HTR2C: variants seen among roughly 807,000 people sequenced by gnomAD.
HTR2C encodes 5-hydroxytryptamine receptor 2C, also known as 5-hydroxytryptamine (serotonin) receptor 2C, G protein-coupled.
Under a neutral mutation model 21.0 loss-of-function variants are expected in HTR2C, and 5 were observed. The observed-to-expected ratio is 0.24, with a 90% CI of 0.12 to 0.50. The LOEUF (loss-of-function observed/expected upper bound fraction) is 0.50, where lower values mean the gene tolerates loss of function less well. Among genes scored for constraint, HTR2C ranks in the 20% least tolerant of loss-of-function variants. HTR2C has a pLI of 0.98. For synonymous variants in HTR2C, 150 were observed against 145.3 expected, an observed-to-expected ratio of 1.03 and a Z score of -0.23; for missense variants, 271 against 371.2, an observed-to-expected ratio of 0.73 and a Z score of 2.22.
intron 1 of HTR2C, among the ~76,000 whole-genome samples, chrX:114,610,587 A>G (rs1405587694): frequency 8.9e-6 from 1 of 111,745 alleles, no homozygotes; most frequent in Non-Finnish European, 1.9e-5. Context: ...TTCTGTGCAC[A>G]ATTTTTGTAG....
intron 4 of HTR2C, among the ~76,000 whole-genome samples, chrX:114,825,160 G>A (rs2070667895): frequency 9.0e-6 from 1 of 110,768 alleles, no homozygotes; most frequent in Non-Finnish European, 1.9e-5. Context: ...ATTTCTTCTG[G>A]TACTTGGATT....
intron 2 of HTR2C, among the ~76,000 whole-genome samples, chrX:114,677,202 A>T (rs1931589880): frequency 9.0e-6 from 1 of 111,393 alleles, no homozygotes; most frequent in Non-Finnish European, 1.9e-5. Context: ...TCCTGAGCTG[A>T]TTGACAACAT....
chrX:114,843,794 C>A (rs962873350), intron 4 of HTR2C, among the ~76,000 whole-genome samples: 1 of 111,424 alleles, frequency 9.0e-6, no homozygotes, highest in Non-Finnish European at 1.9e-5. Context: ...TCTACAGAGA[C>A]CATGGAGGCC....
chrX:114,685,973 G>A (rs1556414155), intron 2 of HTR2C, among the ~76,000 whole-genome samples: 1 of 110,946 alleles, frequency 9.0e-6, no homozygotes, highest in Non-Finnish European at 1.9e-5. Flanking sequence ...ATCATCTTAT[G>A]ATCATAATTA....
At chrX:114,636,962 C>T (rs992491230) in intron 2 of HTR2C, among the ~76,000 whole-genome samples, 1 of 111,991 alleles carries the variant, frequency 8.9e-6, no homozygotes, top group East Asian at 2.8e-4. Flanking sequence ...GGTTTCCTCT[C>T]ACTTTTGGTG....
chrX:114,859,523 T>C (rs1463135224), intron 5 of HTR2C, among the ~76,000 whole-genome samples: 1 of 111,561 alleles, frequency 9.0e-6, no homozygotes, highest in Non-Finnish European at 1.9e-5. Flanking sequence ...CCTTTTAATG[T>C]CTATATAATG....
At chrX:114,661,667 G>C (rs1930993858) in intron 2 of HTR2C, among the ~76,000 whole-genome samples, 1 of 110,014 alleles carries the variant, frequency 9.1e-6, no homozygotes, top group African/African-American at 3.3e-5. Context: ...CACCGTGCCT[G>C]GCCTGGAAAT....
intron 2 of HTR2C, among the ~76,000 whole-genome samples, chrX:114,660,738 G>A (rs1930955151): frequency 8.9e-6 from 1 of 111,934 alleles, no homozygotes; most frequent in South Asian, 3.7e-4. Context: ...ATTTCTATGT[G>A]TTTGAAATTA....
chrX:114,712,158 G>T (rs782728810), intron 2 of HTR2C, among the ~76,000 whole-genome samples: 1 of 111,780 alleles, frequency 8.9e-6, no homozygotes, highest in African/African-American at 3.2e-5. Context: ...GAAAAGTAAA[G>T]CATTATTATT....
intron 2 of HTR2C, among the ~76,000 whole-genome samples, chrX:114,679,355 T>C (rs1050372766): frequency 1.5e-4 from 17 of 110,774 alleles, no homozygotes; most frequent in Non-Finnish European, 2.3e-4. Context: ...TTCGGCTCAC[T>C]GAAACCTCCA....
intron 5 of HTR2C, among the ~76,000 whole-genome samples, chrX:114,903,142 AT>A (rs1164048813): frequency 8.2e-5 from 9 of 110,009 alleles, no homozygotes; most frequent in South Asian, 3.8e-4. Flanking sequence ...CTTACCTTTT[AT>A]TTTTTTTTAA....
chrX:114,604,915 G>T (rs1316488225), intron 1 of HTR2C, among the ~76,000 whole-genome samples: 2 of 111,308 alleles, frequency 1.8e-5, no homozygotes, highest in African/African-American at 6.5e-5. Flanking sequence ...CACCTTGAAG[G>T]CGAGGTTAAT....
chrX:114,704,327 T>C lies in HTR2C; in HGVS notation c.-79-22531T>C, dbSNP rs782785760. On this transcript the variant is annotated intron_variant, in intron 2 of 5. Transcript: ENST00000276198. ...AATCCTCAATAAAATACTGGCAAAC[T>C]GAATCCAGCAGCACATCAAAAAGCT... is the stretch of plus-strand genomic sequence containing the variant. 4.0e-3 allele frequency among the ~76,000 whole-genome samples: 444 copies of C among 111,189 alleles called. 2 individuals carry two copies. Among genetic ancestry groups the C allele is most frequent in the African/African-American group, 0.013 (408 of 30,648 alleles).
At chrX:114,770,231 T>C (rs1425345930) in intron 4 of HTR2C, among the ~76,000 whole-genome samples, 1 of 112,039 alleles carries the variant, frequency 8.9e-6, no homozygotes, top group African/African-American at 3.2e-5. Context: ...ATTGAGCTTT[T>C]TGATGTGTAA....
intron 5 of HTR2C, among the ~76,000 whole-genome samples, chrX:114,855,323 A>G (rs1175747383): frequency 1.8e-5 from 2 of 111,552 alleles, no homozygotes; most frequent in Non-Finnish European, 3.8e-5. Flanking sequence ...ATATTGTAAC[A>G]TCAGGCATAG....
intron 4 of HTR2C, among the ~76,000 whole-genome samples, chrX:114,843,049 T>G (rs1441779248): frequency 8.9e-6 from 1 of 111,802 alleles, no homozygotes; most frequent in Non-Finnish European, 1.9e-5. Flanking sequence ...TGTCCAAGTT[T>G]TACCAAGATT....
At position 114,908,628 on chromosome X, in the gene HTR2C, C is replaced by G. The variant is rs199695967; in HGVS notation, c.*1213C>G. ...CCAAACTCTCTAGTGCAGGAAAAGG[C>G]TGCAGCTAATTTGTGAAAGTGGCAA... On this transcript the variant is annotated 3_prime_UTR_variant, in exon 6 of 6. Transcript: ENST00000276198. 2.0e-4 allele frequency: 23 copies of G among 112,650 alleles called. No individual in the cohort carries two copies. Among genetic ancestry groups the G allele is most frequent in the African/African-American group, 7.1e-4 (22 of 30,983 alleles). The allele number at this position is 112,650 out of a possible 1,213,427, so 9.3% of individuals were successfully genotyped here.
intron 2 of HTR2C, among the ~76,000 whole-genome samples, chrX:114,677,707 C>A (rs1931607317): frequency 9.0e-6 from 1 of 111,462 alleles, no homozygotes; most frequent in South Asian, 3.7e-4. Flanking sequence ...TGTATGTAAA[C>A]AATCTTGAGT....
At chrX:114,640,456 T>A (rs1439622922) in intron 2 of HTR2C, among the ~76,000 whole-genome samples, 1 of 111,869 alleles carries the variant, frequency 8.9e-6, no homozygotes, top group Non-Finnish European at 1.9e-5. Context: ...AATCACATCT[T>A]ATCATTTGCC....
Sources: gnomAD v4.1 joint callset for allele counts (sites outside exome capture counted in the v4.1 genomes callset) on GRCh38, gnomAD v4.1.1 for gene constraint, MANE v1.5 for transcripts, NCBI Gene and HGNC (gene_info 2026-07-23, HGNC 2026-07-21) for gene names.